The following SLC5A11 variants were observed in gnomAD, a reference collection of about 807,000 sequenced individuals.
SLC5A11 encodes solute carrier family 5 member 11.
In SLC5A11, 48 loss-of-function variants were observed where a neutral mutation model predicts 69.8. The observed-to-expected ratio is 0.69, with a 90% CI of 0.55 to 0.87. SLC5A11 has a LOEUF of 0.87. Ranked by LOEUF, SLC5A11 falls within the 40% of genes least tolerant of loss-of-function variation. The pLI is 0.00. For synonymous variants in SLC5A11, 319 were observed against 342.4 expected (o/e 0.93, Z 0.75); for missense variants, 784 against 866.1 (o/e 0.91, Z 1.19).
chr16:24,872,210 T>G (rs2047349531), exon 5 of SLC5A11: 1 of 1,614,170 alleles, frequency 6.2e-7, no homozygotes, highest in Non-Finnish European at 8.5e-7. Context: ...CCATCTACAT[T>G]GCTGGTCAGG....
chr16:24,900,523 T>C (rs761058548), intron 10 of SLC5A11, among the ~76,000 whole-genome samples: 3 of 152,150 alleles, frequency 2.0e-5, no homozygotes, highest in Non-Finnish European at 2.9e-5. Flanking sequence ...GGCAAAAGCC[T>C]TGGGAAGATC....
chr16:24,890,757 C>T, intron 8 of SLC5A11, 112 bp from the exon 10 acceptor site: 1 of 989,580 alleles, frequency 1.0e-6, no homozygotes, highest in South Asian at 1.4e-5. Context: ...AGGGGATTAA[C>T]ATTTTTGGTG....
chr16:24,902,094 A>C (rs1057270436), intron 10 of SLC5A11, among the ~76,000 whole-genome samples: 1 of 152,182 alleles, frequency 6.6e-6, no homozygotes, highest in Admixed American at 6.5e-5. Context: ...ACTGGGTGAC[A>C]AAGTGAGACT....
At chr16:24,850,351 T>C (rs1389119381) in intron 1 of SLC5A11, among the ~76,000 whole-genome samples, 5 of 152,228 alleles carry the variant, frequency 3.3e-5, no homozygotes, top group South Asian at 4.1e-4. Context: ...TAGCTCCTTA[T>C]TCCTGCAGTT....
At chr16:24,884,736 T>A (rs1225979312) in intron 8 of SLC5A11, among the ~76,000 whole-genome samples, 1 of 151,606 alleles carries the variant, frequency 6.6e-6, no homozygotes, top group Non-Finnish European at 1.5e-5. Flanking sequence ...TTACAGAGGT[T>A]TTTGTTGTTG....
chr16:24,874,987 G>A (rs769670272), intron 5 of SLC5A11, among the ~76,000 whole-genome samples: 1 of 151,728 alleles, frequency 6.6e-6, no homozygotes, highest in Non-Finnish European at 1.5e-5. Flanking sequence ...TTTCTATTAG[G>A]TTATATGTCT....
intron 5 of SLC5A11, among the ~76,000 whole-genome samples, chr16:24,874,911 T>C (rs2047567758): frequency 6.6e-6 from 1 of 152,140 alleles, no homozygotes; most frequent in African/African-American, 2.4e-5. Context: ...CAACTCTTTT[T>C]ATACATTTTC....
At chr16:24,897,075 C>T (rs2049233455) in intron 9 of SLC5A11, among the ~76,000 whole-genome samples, 1 of 151,236 alleles carries the variant, frequency 6.6e-6, no homozygotes, top group Non-Finnish European at 1.5e-5. Flanking sequence ...GTCTCAGCCT[C>T]CCAAGTAGCT....
At chr16:24,888,696 C>G (rs913430893) in intron 8 of SLC5A11, among the ~76,000 whole-genome samples, 1 of 148,488 alleles carries the variant, frequency 6.7e-6, no homozygotes, top group African/African-American at 2.5e-5. Context: ...GTTGGCCAGG[C>G]TGGTCTCAAA....
At chr16:24,851,260 C>T (rs978188526) in intron 1 of SLC5A11, among the ~76,000 whole-genome samples, 6 of 151,792 alleles carry the variant, frequency 4.0e-5, no homozygotes, top group Non-Finnish European at 8.8e-5. Context: ...CGCCTGTAAT[C>T]CCAGCACTTT....
At chr16:24,897,480 C>A (rs918823432) in intron 9 of SLC5A11, among the ~76,000 whole-genome samples, 7 of 152,152 alleles carry the variant, frequency 4.6e-5, no homozygotes, top group Non-Finnish European at 8.8e-5. Flanking sequence ...AGAGATGTTT[C>A]TTCAAACAGA....
At chr16:24,851,780 G>T (rs1596941215) in intron 1 of SLC5A11, among the ~76,000 whole-genome samples, 1 of 152,166 alleles carries the variant, frequency 6.6e-6, no homozygotes, top group African/African-American at 2.4e-5. Context: ...CCTCAGAGAG[G>T]TGACTTGCCC....
At chr16:24,864,456 T>C (rs566208275) in intron 3 of SLC5A11, among the ~76,000 whole-genome samples, 1 of 152,100 alleles carries the variant, frequency 6.6e-6, no homozygotes, top group African/African-American at 2.4e-5. Context: ...AAACAAACAA[T>C]AGAAGCAGCA....
At chr16:24,905,464 A>T (rs2049966299) in intron 10 of SLC5A11, among the ~76,000 whole-genome samples, 1 of 151,388 alleles carries the variant, frequency 6.6e-6, no homozygotes, top group Non-Finnish European at 1.5e-5. Context: ...AAATAAAAAT[A>T]AAAAAATTAA....
chr16:24,908,911 C>T, exon 14 of SLC5A11: 3 of 1,613,998 alleles, frequency 1.9e-6, no homozygotes, highest in Non-Finnish European at 2.5e-6. Flanking sequence ...CTCGGGCCTG[C>T]TCCTGGGCTT....
At chr16:24,867,552 T>G (rs751905151) in intron 3 of SLC5A11, among the ~76,000 whole-genome samples, 1 of 152,042 alleles carries the variant, frequency 6.6e-6, no homozygotes, top group South Asian at 2.1e-4. Flanking sequence ...AATAGAAAAC[T>G]GTTAGAGGAA....
chr16:24,875,544 A>G, intron 5 of SLC5A11, 83 bp from the exon 7 acceptor site: 2 of 1,056,702 alleles, frequency 1.9e-6, no homozygotes, highest in Admixed American at 2.0e-5. Context: ...CGGGGGCAGG[A>G]GCAGATGGGA....
intron 8 of SLC5A11, among the ~76,000 whole-genome samples, chr16:24,884,898 C>G (rs57037258): frequency 0.042 from 6,428 of 151,818 alleles, 424 homozygotes; most frequent in African/African-American, 0.15. Context: ...GCACCACCAT[C>G]CCTGGCTAAT....
chr16:24,862,666 G>C (rs1433245710), exon 3 of SLC5A11: 4 of 1,613,262 alleles, frequency 2.5e-6, no homozygotes, highest in Non-Finnish European at 3.4e-6. Flanking sequence ...ACATGGTGTG[G>C]TGGCCAGTAA....
Sources: allele counts gnomAD v4.1 joint callset (sites outside exome capture counted in the v4.1 genomes callset), GRCh38; gene constraint gnomAD v4.1.1; transcripts MANE v1.5; gene names NCBI Gene and HGNC (gene_info 2026-07-23, HGNC 2026-07-21).